Variants in HS6ST3 observed in about 807,000 individuals in gnomAD.
HS6ST3 encodes heparan sulfate 6-O-sulfotransferase 3, also known as heparan-sulfate 6-O-sulfotransferase 3.
HS6ST3 carries 12 observed loss-of-function variants against 36.7 expected under a neutral mutation model. The observed-to-expected ratio is 0.33, with a 90% CI of 0.21 to 0.53. The LOEUF (loss-of-function observed/expected upper bound fraction) is 0.53. Among genes scored for constraint, HS6ST3 ranks in the 20% least tolerant of loss-of-function variants. HS6ST3 has a pLI of 0.95. For synonymous variants in HS6ST3, 240 were observed against 257.5 expected (o/e 0.93, Z 0.65); for missense variants, 584 against 640.9 (o/e 0.91, Z 0.96).
intron 1 of HS6ST3, among the ~76,000 whole-genome samples, chr13:96,218,457 C>T (rs545427775): frequency 6.6e-6 from 1 of 152,292 alleles, no homozygotes; most frequent in African/African-American, 2.4e-5. Flanking sequence ...AGAGATCTGG[C>T]AGCGAATGGC....
intron 1 of HS6ST3, among the ~76,000 whole-genome samples, chr13:96,376,410 T>C (rs1319421103): frequency 6.6e-6 from 1 of 152,094 alleles, no homozygotes; most frequent in Non-Finnish European, 1.5e-5. Context: ...ACAGTCAGAC[T>C]GCAAAGTGAT....
chr13:96,292,741 A>G (rs1003214309), intron 1 of HS6ST3, among the ~76,000 whole-genome samples: 3 of 152,142 alleles, frequency 2.0e-5, no homozygotes, highest in Non-Finnish European at 4.4e-5. Flanking sequence ...TGGTGAATAA[A>G]TAGCAAGATT....
chr13:96,414,480 T>TC (rs1324186542), intron 1 of HS6ST3, among the ~76,000 whole-genome samples: 2 of 152,176 alleles, frequency 1.3e-5, no homozygotes, highest in Admixed American at 1.3e-4. Flanking sequence ...GATTCGTTTT[T>TC]CTTTCTTTCT....
At chr13:96,434,980 C>T (rs570282371) in intron 1 of HS6ST3, among the ~76,000 whole-genome samples, 14 of 152,114 alleles carry the variant, frequency 9.2e-5, no homozygotes, top group African/African-American at 3.1e-4. Flanking sequence ...TTTTGTCTGC[C>T]TAACTTTAAT....
intron 1 of HS6ST3, among the ~76,000 whole-genome samples, chr13:96,145,108 ACG>A (rs2054050753): frequency 4.6e-5 from 5 of 109,754 alleles, no homozygotes; most frequent in Non-Finnish European, 7.5e-5. Context: ...CAGTAAACAT[ACG>A]TGTGCGTGTG....
chr13:96,685,383 A>T (rs1014860845), intron 1 of HS6ST3, among the ~76,000 whole-genome samples: 1 of 152,084 alleles, frequency 6.6e-6, no homozygotes, highest in Non-Finnish European at 1.5e-5. Context: ...TTTGGCATAG[A>T]TATGTGAAAT....
chr13:96,416,775 C>T (rs9516688), intron 1 of HS6ST3, among the ~76,000 whole-genome samples: 49,152 of 141,930 alleles, frequency 0.35, 8,477 homozygotes, highest in South Asian at 0.45. Context: ...TTTTTTGAGA[C>T]GGAGTCTCGC....
At chr13:96,181,915 G>T (rs530388634) in intron 1 of HS6ST3, among the ~76,000 whole-genome samples, 1 of 152,118 alleles carries the variant, frequency 6.6e-6, no homozygotes, top group Non-Finnish European at 1.5e-5. Context: ...TTTTTACGCA[G>T]TAGTTAGCTT....
rs774446744 is a variant in HS6ST3, at chr13:96,090,857, G to C, written c.-6G>C. On this transcript the variant is annotated 5_prime_UTR_variant, in exon 1 of 2. Transcript: ENST00000376705. ...CCGCTTCGCCTGCCGGCCTGAGAGC[G>C]GGACCATGGATGAAAGGTTCAACAA... The C allele has an allele frequency of 7.3e-6, 11 of 1,504,226 alleles. No homozygotes were observed. In the South Asian group the frequency reaches 9.6e-5, roughly 13 times the overall value. The allele number at this position is 1,504,226 out of a possible 1,614,324, so 93.2% of individuals were successfully genotyped here.
intron 1 of HS6ST3, among the ~76,000 whole-genome samples, chr13:96,757,987 A>G (rs965121171): frequency 6.6e-6 from 1 of 151,940 alleles, no homozygotes; most frequent in Non-Finnish European, 1.5e-5. Context: ...AGGTGTACAT[A>G]TTTTCTCTAT....
At chr13:96,492,027 C>T (rs2055948565) in intron 1 of HS6ST3, among the ~76,000 whole-genome samples, 1 of 152,132 alleles carries the variant, frequency 6.6e-6, no homozygotes, top group Admixed American at 6.5e-5. Context: ...TAATGACTAT[C>T]CTTCTCAATG....
chr13:96,614,606 C>G (rs114826109), intron 1 of HS6ST3, among the ~76,000 whole-genome samples: 4 of 152,094 alleles, frequency 2.6e-5, no homozygotes, highest in Non-Finnish European at 4.4e-5. Context: ...GGAAAAATAT[C>G]TATTAACTTG....
chr13:96,599,220 ATTC>A (rs2056412798), intron 1 of HS6ST3, among the ~76,000 whole-genome samples: 1 of 152,020 alleles, frequency 6.6e-6, no homozygotes, highest in South Asian at 2.1e-4. Flanking sequence ...AATTGTATCA[ATTC>A]TTCTTTGAAT....
chr13:96,579,905 T>A (rs1423966432), intron 1 of HS6ST3, among the ~76,000 whole-genome samples: 1 of 152,128 alleles, frequency 6.6e-6, no homozygotes, highest in Non-Finnish European at 1.5e-5. Context: ...CATAAGGAAG[T>A]CATGTGCTGG....
At chr13:96,456,542 C>G (rs2055755493) in intron 1 of HS6ST3, among the ~76,000 whole-genome samples, 1 of 152,104 alleles carries the variant, frequency 6.6e-6, no homozygotes, top group Non-Finnish European at 1.5e-5. Flanking sequence ...TAATATCTAT[C>G]ATGTATATCT....
At chr13:96,471,474 G>T (rs1006213577) in intron 1 of HS6ST3, among the ~76,000 whole-genome samples, 26 of 152,208 alleles carry the variant, frequency 1.7e-4, no homozygotes, top group African/African-American at 6.3e-4. Context: ...TCGCAGAATG[G>T]GGGTCATGAG....
chr13:96,818,731 T>G (rs1878473052), intron 1 of HS6ST3, among the ~76,000 whole-genome samples: 1 of 152,208 alleles, frequency 6.6e-6, no homozygotes, highest in South Asian at 2.1e-4. Flanking sequence ...GGTGAAGTGT[T>G]GAGCAGCAAC....
chr13:96,115,815 C>A (rs140303565), intron 1 of HS6ST3, among the ~76,000 whole-genome samples: 1 of 152,160 alleles, frequency 6.6e-6, no homozygotes. Flanking sequence ...CTTGAGGAAT[C>A]GCCATACTGT....
intron 1 of HS6ST3, among the ~76,000 whole-genome samples, chr13:96,613,695 T>A (rs1055700878): frequency 6.6e-6 from 1 of 152,232 alleles, no homozygotes; most frequent in African/African-American, 2.4e-5. Context: ...GTCTACATGA[T>A]TCCCTTTTCT....
Sources: gnomAD v4.1 joint callset for allele counts (sites outside exome capture counted in the v4.1 genomes callset) on GRCh38, gnomAD v4.1.1 for gene constraint, MANE v1.5 for transcripts, NCBI Gene and HGNC (gene_info 2026-07-23, HGNC 2026-07-21) for gene names.